The following ERCC6L2 variants were observed in gnomAD, a reference collection of about 807,000 sequenced individuals.
The protein encoded by ERCC6L2 is ERCC excision repair 6 like 2.
In ERCC6L2, 77 loss-of-function variants were observed where a neutral mutation model predicts 132.0. The ratio of observed to expected loss-of-function variants is 0.58; its 90% CI spans 0.49 to 0.71. The LOEUF is 0.71. ERCC6L2 is among the 30% of genes least tolerant of loss of function. The pLI is 0.00. For synonymous variants in ERCC6L2, 583 were observed against 632.4 expected, an observed-to-expected ratio of 0.92 and a Z score of 1.17; for missense variants, 1,542 against 1,837.6, an observed-to-expected ratio of 0.84 and a Z score of 2.94.
At chr9:95,879,450 G>A (rs1314012547) in intron 1 of ERCC6L2, among the ~76,000 whole-genome samples, 1 of 152,224 alleles carries the variant, frequency 6.6e-6, no homozygotes, top group Non-Finnish European at 1.5e-5. Context: ...TATAAGTAAT[G>A]TGTTAAGAAT....
chr9:96,034,205 G>A (rs1045029902), intron 19 of ERCC6L2, among the ~76,000 whole-genome samples: 3 of 152,238 alleles, frequency 2.0e-5, no homozygotes, highest in South Asian at 2.1e-4. Context: ...TCCGGCTGAC[G>A]TTCCCCAGAG....
At chr9:95,963,144 CGTCTGTG>C (rs991430507) in intron 13 of ERCC6L2, among the ~76,000 whole-genome samples, 2 of 108,078 alleles carry the variant, frequency 1.9e-5, no homozygotes, top group East Asian at 3.0e-4. Flanking sequence ...AAAGTCATCT[CGTCTGTG>C]TGTGTGTGTG....
At chr9:95,928,978 G>A (rs1322196536) in intron 11 of ERCC6L2, 114 bp downstream of exon 11, 4 of 721,042 alleles carry the variant, frequency 5.5e-6, no homozygotes, top group Non-Finnish European at 8.3e-6. Flanking sequence ...TTTAGAAGCA[G>A]CAAAAATACT....
At chr9:95,881,877 G>A (rs530459059) in intron 2 of ERCC6L2, among the ~76,000 whole-genome samples, 1 of 152,320 alleles carries the variant, frequency 6.6e-6, no homozygotes, top group African/African-American at 2.4e-5. Flanking sequence ...GCCAAATTTA[G>A]CAGCTTAAAA....
intron 12 of ERCC6L2, chr9:95,954,867 G>A (rs1229192920): frequency 2.1e-6 from 1 of 471,124 alleles, no homozygotes; most frequent in South Asian, 1.5e-5. Context: ...CTGGAGATGT[G>A]AGATTTGCAG....
chr9:95,927,610 T>TC (rs1397731619), intron 9 of ERCC6L2, among the ~76,000 whole-genome samples: 1 of 152,180 alleles, frequency 6.6e-6, no homozygotes, highest in Non-Finnish European at 1.5e-5. Flanking sequence ...ATCTGACTGA[T>TC]TATTCTAAGA....
intron 11 of ERCC6L2, among the ~76,000 whole-genome samples, chr9:95,934,696 A>G (rs1366921323): frequency 6.6e-6 from 1 of 152,166 alleles, no homozygotes; most frequent in African/African-American, 2.4e-5. Context: ...TTGAAATACA[A>G]TGCTTTATTC....
chr9:95,994,189 G>A (rs1833396659), intron 17 of ERCC6L2, among the ~76,000 whole-genome samples: 1 of 152,186 alleles, frequency 6.6e-6, no homozygotes, highest in Admixed American at 6.5e-5. Flanking sequence ...AGGGCTTGTG[G>A]CCACATGGTG....
At chr9:95,969,442 A>G (rs980887260) in intron 14 of ERCC6L2, among the ~76,000 whole-genome samples, 2 of 152,148 alleles carry the variant, frequency 1.3e-5, no homozygotes, top group African/African-American at 2.4e-5. Context: ...TGGATGCTGT[A>G]TATATTATCC....
intron 3 of ERCC6L2, among the ~76,000 whole-genome samples, chr9:95,905,755 C>G (rs531902515): frequency 1.3e-5 from 2 of 152,212 alleles, no homozygotes; most frequent in South Asian, 4.1e-4. Context: ...CTTTCTCTTT[C>G]CAAAACACAG....
chr9:96,019,307 A>G (rs1248647392), downstream of ERCC6L2, among the ~76,000 whole-genome samples: 2 of 152,206 alleles, frequency 1.3e-5, no homozygotes, highest in African/African-American at 2.4e-5. Context: ...TTTTCAAAAT[A>G]TAAATGCCAG....
At chr9:95,938,842 A>G (rs1830672457) in intron 11 of ERCC6L2, among the ~76,000 whole-genome samples, 1 of 151,938 alleles carries the variant, frequency 6.6e-6, no homozygotes, top group Non-Finnish European at 1.5e-5. Context: ...TTTTTTATTT[A>G]ACTTTTATCT....
In ERCC6L2 at chr9:95,928,765, AC is replaced by A; in HGVS notation, c.1654del (p.Arg552AspfsTer16). ...QQYCMASGLD[Y>X]RRLDGSTKSE... ...TACTGTATGGCGTCTGGGCTTGATT[AC>A]CGACGACTTGATGGAAGTACAAAAT... On this transcript the variant is annotated frameshift_variant, in exon 11 of 19. Coordinates refer to ENST00000653738, the MANE Select transcript of ERCC6L2 (RefSeq NM_020207.7). LOFTEE classifies it high-confidence loss of function. 7 of 1,613,562 alleles carry A rather than the reference AC, an allele frequency of 4.3e-6. No individual in the cohort carries two copies. The highest frequency in any genetic ancestry group is 5.9e-6 in the Non-Finnish European group (7 of 1,179,694).
chr9:95,982,894 C>T (rs530202383), intron 17 of ERCC6L2, among the ~76,000 whole-genome samples: 2 of 152,126 alleles, frequency 1.3e-5, no homozygotes, highest in African/African-American at 4.8e-5. Context: ...AACATAGAGA[C>T]CTATTCCCCT....
rs1827578425 is a variant in ERCC6L2 at position 95,881,296 on chromosome 9, A to G, written c.471+3A>G. The stretch of plus-strand genomic sequence containing the variant: ...TGGGACTTGGAAAAACAGTACAGGT[A>G]TTTAATTATGTTATAACAGTAAAGT... On this transcript the variant is annotated splice_donor_region_variant and intron_variant, in intron 2 of 18. Coordinates refer to ENST00000653738, the MANE Select transcript of ERCC6L2 (RefSeq NM_020207.7). The G allele has an allele frequency of 6.5e-7, 1 of 1,546,976 alleles. No homozygotes were observed. The highest frequency in any genetic ancestry group is 8.7e-7 in the Non-Finnish European group (1 of 1,153,640).
chr9:95,892,614 G>T (rs899359747), intron 2 of ERCC6L2, among the ~76,000 whole-genome samples: 1 of 151,590 alleles, frequency 6.6e-6, no homozygotes, highest in Non-Finnish European at 1.5e-5. Flanking sequence ...GTAGAAGCAG[G>T]GTTTCACCAT....
chr9:95,960,956 C>G (rs1018822159), intron 13 of ERCC6L2, among the ~76,000 whole-genome samples: 6 of 152,028 alleles, frequency 3.9e-5, no homozygotes, highest in African/African-American at 1.4e-4. Flanking sequence ...TTTTTGAAAA[C>G]AGAAGAAGAG....
chr9:95,993,437 T>C (rs1480864955), intron 17 of ERCC6L2, among the ~76,000 whole-genome samples: 3 of 152,214 alleles, frequency 2.0e-5, no homozygotes, highest in African/African-American at 7.2e-5. Flanking sequence ...ATGGTCTCGC[T>C]TGGCCCTTTC....
chr9:95,972,846 A>G lies in ERCC6L2; in HGVS notation c.3095A>G (p.Asp1032Gly). Residue 1032 changes from aspartate (D) to glycine (G), a missense_variant, in exon 16 of 19, where the codon GAT (aspartate) becomes GGT (glycine). By Grantham distance (94) the Asp-to-Gly change is moderately conservative. Transcript: ENST00000653738. ...AACCAAGTGTATGCAGCAAATGAGG[A>G]TCATAACTCTCAGTTTATTGATGAT... is the stretch of plus-strand genomic sequence containing the variant. ...KTNQVYAANEDHNSQFIDDYS... is the reference protein window; with the variant it reads ...KTNQVYAANEGHNSQFIDDYS... The G allele has an allele frequency of 7.7e-7, 1 of 1,305,150 alleles. No homozygotes were observed. Among genetic ancestry groups the G allele is most frequent in the Middle Eastern group, 2.1e-4 (1 of 4,694 alleles). 80.8% of individuals were successfully genotyped at this position (1,305,150 alleles called of 1,614,324 possible). A position where few individuals can be genotyped will look rare whatever the true frequency, so the allele number is the denominator to read the frequency against.
Sources: gnomAD v4.1 joint callset for allele counts (sites outside exome capture counted in the v4.1 genomes callset) on GRCh38, gnomAD v4.1.1 for gene constraint, MANE v1.5 for transcripts, NCBI Gene and HGNC (gene_info 2026-07-23, HGNC 2026-07-21) for gene names.